The following G2E3 variants were observed in gnomAD, a reference collection of about 807,000 sequenced individuals.
G2E3 encodes the protein G2/M phase-specific E3 ubiquitin-protein ligase.
A neutral mutation model predicts 92.8 loss-of-function variants in G2E3; 35 were observed. That is an observed-to-expected ratio of 0.38 (90% CI 0.29 to 0.50). G2E3 has a LOEUF of 0.50. Ranked by LOEUF, G2E3 falls within the 20% of genes least tolerant of loss-of-function variation. The pLI, the probability that G2E3 is intolerant of heterozygous loss-of-function variation, is 0.94. For synonymous variants in G2E3, 242 were observed against 272.4 expected (o/e 0.89, Z 1.10); for missense variants, 554 against 823.8 (o/e 0.67, Z 4.01).
At chr14:30,603,773 A>C (rs539058321) in intron 10 of G2E3, among the ~76,000 whole-genome samples, 2 of 152,224 alleles carry the variant, frequency 1.3e-5, no homozygotes, top group Non-Finnish European at 2.9e-5. Flanking sequence ...TGAGCCCAGG[A>C]GTTCAAGCTG....
At chr14:30,560,882 C>A in intron 1 of G2E3, 2 of 692,418 alleles carry the variant, frequency 2.9e-6, no homozygotes, top group Non-Finnish European at 2.6e-6. Flanking sequence ...CTGATTTGAT[C>A]TTTCCTAGAA....
rs533788008 is a variant in G2E3 at position 30,566,048 on chromosome 14, C to T, written c.-5+6776C>T. On this transcript the variant is annotated intron_variant, in intron 1 of 14. Transcript: ENST00000206595. ...TCTTCCCATTTAATGGTCTTGGCACCCTTATTGAAAATTAGTTTACTATAA... is the reference window on the plus strand; with the variant it reads ...TCTTCCCATTTAATGGTCTTGGCACTCTTATTGAAAATTAGTTTACTATAA... 3.9e-5 allele frequency among the ~76,000 whole-genome samples: 6 copies of T among 152,130 alleles called. No individual in the cohort carries two copies. In the South Asian group the frequency reaches 1.2e-3, roughly 32 times the overall value.
chr14:30,572,497 T>C (rs1879826313), intron 1 of G2E3, among the ~76,000 whole-genome samples: 2 of 152,166 alleles, frequency 1.3e-5, no homozygotes, highest in Admixed American at 1.3e-4. Flanking sequence ...AATGCACATT[T>C]GTAGATGCCC....
At chr14:30,560,031 A>G (rs1182622035) in intron 1 of G2E3, 3 of 151,570 alleles carry the variant, frequency 2.0e-5, no homozygotes, top group African/African-American at 4.9e-5. Flanking sequence ...TCATTGGCCA[A>G]CTGGGTTATT....
At position 30,601,906 on chromosome 14, in the gene G2E3, G is replaced by A. The variant is rs1362414923; in HGVS notation, c.877+12G>A. 6.8e-6 allele frequency: 11 copies of A among 1,610,786 alleles called. No individual in the cohort carries two copies. The East Asian group carries it at 2.2e-4, about 33-fold the overall frequency. On this transcript the variant is annotated intron_variant, in intron 9 of 14. Transcript: ENST00000206595. ...TATCTACAATTCAGGTAATTTTTTTGTAATTTTGAATAAAGTTTTTATTCA... is the reference window on the plus strand; with the variant it reads ...TATCTACAATTCAGGTAATTTTTTTATAATTTTGAATAAAGTTTTTATTCA...
chr14:30,562,371 A>G (rs977483846), intron 1 of G2E3, among the ~76,000 whole-genome samples: 11 of 152,138 alleles, frequency 7.2e-5, no homozygotes, highest in Non-Finnish European at 1.6e-4. Context: ...ATCATAACCT[A>G]GGAAAAACCA....
At chr14:30,560,573 C>CT in intron 1 of G2E3, 2 of 525,762 alleles carry the variant, frequency 3.8e-6, no homozygotes, top group South Asian at 5.5e-5. Context: ...CTATACTTCT[C>CT]TAAGCCTTTC....
At chr14:30,572,992 T>A (rs889843818) in intron 1 of G2E3, among the ~76,000 whole-genome samples, 3 of 148,514 alleles carry the variant, frequency 2.0e-5, no homozygotes, top group Admixed American at 2.0e-4. Flanking sequence ...GAAGATCATA[T>A]TGATGTTTTA....
intron 13 of G2E3, among the ~76,000 whole-genome samples, chr14:30,614,728 A>C (rs1244762595): frequency 6.6e-6 from 1 of 152,148 alleles, no homozygotes; most frequent in Non-Finnish European, 1.5e-5. Context: ...GGCAAAAATG[A>C]TATGTTTGTT....
rs1174678616 is a variant in G2E3 at position 30,601,979 on chromosome 14, A to G, written c.878-20A>G. ...TTACCTATATCTCTATTATGCTAAC[A>G]TGGAAATTTAAATCTGTAGGAGAGT... On this transcript the variant is annotated intron_variant, in intron 9 of 14. Transcript: ENST00000206595. 6 of 1,607,772 alleles carry G rather than the reference A, an allele frequency of 3.7e-6. No individual in the cohort carries two copies. In the Admixed American group the frequency reaches 5.1e-5, roughly 14 times the overall value.
At chr14:30,589,253 A>T in intron 3 of G2E3, 130 bp from the exon 4 acceptor site, 1 of 588,578 alleles carries the variant, frequency 1.7e-6, no homozygotes, top group Non-Finnish European at 3.0e-6. Context: ...AATAACTACT[A>T]TAGATAACTA....
intron 6 of G2E3, among the ~76,000 whole-genome samples, chr14:30,594,410 C>T (rs1881167983): frequency 6.6e-6 from 1 of 152,128 alleles, no homozygotes; most frequent in Admixed American, 6.5e-5. Flanking sequence ...AAGATGTAGG[C>T]CGGGTGTGGT....
At chr14:30,580,549 A>G (rs756776742) in intron 1 of G2E3, among the ~76,000 whole-genome samples, 148 of 152,334 alleles carry the variant, frequency 9.7e-4, no homozygotes, top group Non-Finnish European at 1.4e-3. Flanking sequence ...TGGCATGGCT[A>G]TTGATGATGT....
intron 6 of G2E3, among the ~76,000 whole-genome samples, chr14:30,597,033 C>T (rs1282087463): frequency 6.6e-6 from 1 of 152,136 alleles, no homozygotes; most frequent in African/African-American, 2.4e-5. Context: ...AAAAACAGAA[C>T]CAGTGATGAT....
intron 1 of G2E3, among the ~76,000 whole-genome samples, chr14:30,568,921 G>C (rs1378234417): frequency 4.0e-5 from 6 of 151,860 alleles, no homozygotes; most frequent in Non-Finnish European, 8.8e-5. Context: ...TTGACTTACT[G>C]TCTGGTGTCC....
At chr14:30,562,187 C>T (rs1245318511) in intron 1 of G2E3, among the ~76,000 whole-genome samples, 1 of 151,772 alleles carries the variant, frequency 6.6e-6, no homozygotes, top group Non-Finnish European at 1.5e-5. Context: ...GGCAAGCCAC[C>T]CAGGTGCCGA....
At chr14:30,564,195 T>C (rs1390033770) in intron 1 of G2E3, among the ~76,000 whole-genome samples, 1 of 152,274 alleles carries the variant, frequency 6.6e-6, no homozygotes, top group Non-Finnish European at 1.5e-5. Context: ...TTTATCCATA[T>C]ACATTGTTAC....
chr14:30,559,458 C>CGCG (rs1314956755), intron 1 of G2E3, 186 bp downstream of exon 1: 2 of 152,256 alleles, frequency 1.3e-5, no homozygotes, highest in Non-Finnish European at 2.9e-5. Context: ...TTTGCTGGAC[C>CGCG]AGCGCTCTCG....
At chr14:30,570,764 G>A (rs1332170597) in intron 1 of G2E3, among the ~76,000 whole-genome samples, 1 of 152,040 alleles carries the variant, frequency 6.6e-6, no homozygotes, top group Non-Finnish European at 1.5e-5. Flanking sequence ...AGGTTTTTCT[G>A]TGTTTCTAGG....
Sources: allele counts gnomAD v4.1 joint callset (sites outside exome capture counted in the v4.1 genomes callset), GRCh38; gene constraint gnomAD v4.1.1; transcripts MANE v1.5; gene names NCBI Gene and HGNC (gene_info 2026-07-23, HGNC 2026-07-21).